CCDC60: variants seen among roughly 807,000 people sequenced by gnomAD.
CCDC60 encodes coiled-coil domain-containing protein 60.
Under a neutral mutation model 63.5 loss-of-function variants are expected in CCDC60, and 54 were observed. That is an observed-to-expected ratio of 0.85 (90% CI 0.68 to 1.07). The LOEUF is 1.07. Ranked by LOEUF, CCDC60 falls within the 50% of genes least tolerant of loss-of-function variation. The probability of loss-of-function intolerance (pLI) is 0.00; values close to 1 mark genes in which losing one functional copy is unlikely to be tolerated. For missense variants in CCDC60, 651 were observed against 684.3 expected (o/e 0.95, Z 0.54); for synonymous variants, 206 against 238.8 (o/e 0.86, Z 1.27).
At chr12:119,523,387 G>A (rs180859626) in intron 10 of CCDC60, among the ~76,000 whole-genome samples, 203 of 152,350 alleles carry the variant, frequency 1.3e-3, no homozygotes, top group Middle Eastern at 3.4e-3. Flanking sequence ...CTTTGAGCCT[G>A]AATCTCCCAG....
intron 1 of CCDC60, among the ~76,000 whole-genome samples, chr12:119,421,802 G>A (rs56211979): frequency 0.2 from 30,972 of 152,062 alleles, 3,284 homozygotes; most frequent in Non-Finnish European, 0.24. Flanking sequence ...GACAGCAAAC[G>A]TCTTTCCATC....
intron 1 of CCDC60, among the ~76,000 whole-genome samples, chr12:119,376,166 C>A (rs577340143): frequency 6.6e-6 from 1 of 152,298 alleles, no homozygotes; most frequent in African/African-American, 2.4e-5. Flanking sequence ...CTTGCTAATA[C>A]CCCAGTGAAG....
At chr12:119,449,506 G>A (rs999214151) in intron 2 of CCDC60, among the ~76,000 whole-genome samples, 2 of 152,142 alleles carry the variant, frequency 1.3e-5, no homozygotes, top group African/African-American at 4.8e-5. Context: ...AAATGCGAAT[G>A]CACCACATCA....
chr12:119,528,851 T>C, intron 12 of CCDC60, 105 bp downstream of exon 12: 1 of 1,232,536 alleles, frequency 8.1e-7, no homozygotes, highest in Non-Finnish European at 1.1e-6. Flanking sequence ...TAGAGAGGCA[T>C]TACTCCAAAA....
intron 2 of CCDC60, among the ~76,000 whole-genome samples, chr12:119,462,622 A>G (rs1950876332): frequency 6.6e-6 from 1 of 152,096 alleles, no homozygotes; most frequent in Non-Finnish European, 1.5e-5. Flanking sequence ...ATGCAGAGGT[A>G]AAGACTGAGA....
chr12:119,486,906 G>T (rs1424815929), intron 4 of CCDC60, among the ~76,000 whole-genome samples: 1 of 152,140 alleles, frequency 6.6e-6, no homozygotes, highest in Non-Finnish European at 1.5e-5. Flanking sequence ...GAACCCTGGG[G>T]AGTGTTGATG....
intron 2 of CCDC60, among the ~76,000 whole-genome samples, chr12:119,454,090 A>T (rs1469523134): frequency 1.3e-5 from 2 of 152,174 alleles, no homozygotes; most frequent in Non-Finnish European, 1.5e-5. Flanking sequence ...ACGAGGTAAG[A>T]TGACTCACAG....
At chr12:119,385,817 C>T (rs996360434) in intron 1 of CCDC60, among the ~76,000 whole-genome samples, 1 of 152,210 alleles carries the variant, frequency 6.6e-6, no homozygotes, top group Non-Finnish European at 1.5e-5. Context: ...GCTGCTCCCC[C>T]TCCGTGCCCC....
chr12:119,360,572 C>T (rs1229588526), intron 1 of CCDC60, among the ~76,000 whole-genome samples: 6 of 149,484 alleles, frequency 4.0e-5, no homozygotes, highest in Non-Finnish European at 5.9e-5. Flanking sequence ...ACCTCCCAGA[C>T]GGGGTGGCGG....
chr12:119,346,162 G>A (rs1955590935), intron 1 of CCDC60, among the ~76,000 whole-genome samples: 1 of 151,662 alleles, frequency 6.6e-6, no homozygotes, highest in African/African-American at 2.4e-5. Flanking sequence ...TAACCTCTTT[G>A]ATTTCTTTGT....
intron 1 of CCDC60, among the ~76,000 whole-genome samples, chr12:119,335,859 C>T (rs1036825653): frequency 1.1e-4 from 17 of 151,486 alleles, no homozygotes; most frequent in Admixed American, 6.6e-4. Flanking sequence ...GTGTTTTAGA[C>T]GTGAAGTCCT....
chr12:119,490,047 C>T (rs1298838291), intron 5 of CCDC60, among the ~76,000 whole-genome samples: 1 of 152,178 alleles, frequency 6.6e-6, no homozygotes, highest in South Asian at 2.1e-4. Flanking sequence ...CCGCCTGCCT[C>T]GGCCTCCCAA....
At chr12:119,479,886 C>T (rs1951264026) in intron 4 of CCDC60, 1 of 152,014 alleles carries the variant, frequency 6.6e-6, no homozygotes, top group Non-Finnish European at 1.5e-5. Flanking sequence ...TGTTTAGCCG[C>T]ATCCATGGCC....
intron 1 of CCDC60, among the ~76,000 whole-genome samples, chr12:119,407,609 A>G (rs1399219961): frequency 1.3e-5 from 2 of 152,204 alleles, no homozygotes; most frequent in African/African-American, 4.8e-5. Flanking sequence ...CAATTAAGAA[A>G]GCCCGAGATT....
chr12:119,342,703 G>A (rs1029314899), intron 1 of CCDC60, among the ~76,000 whole-genome samples: 1 of 152,200 alleles, frequency 6.6e-6, no homozygotes, highest in African/African-American at 2.4e-5. Flanking sequence ...TGAGTTCCAA[G>A]GATAGGCCAA....
intron 5 of CCDC60, among the ~76,000 whole-genome samples, chr12:119,492,617 G>T (rs1336680768): frequency 1.3e-5 from 2 of 152,134 alleles, no homozygotes; most frequent in African/African-American, 4.8e-5. Flanking sequence ...AACCCAGAGG[G>T]ATTAGAGTGA....
chr12:119,379,716 A>T (rs906959131), intron 1 of CCDC60, among the ~76,000 whole-genome samples: 9 of 152,164 alleles, frequency 5.9e-5, no homozygotes, highest in African/African-American at 1.7e-4. Context: ...ATGGTAACTG[A>T]TGTGTGGGAG....
chr12:119,346,778 T>TTCTTTCTC (rs1955598269), intron 1 of CCDC60, among the ~76,000 whole-genome samples: 3 of 47,604 alleles, frequency 6.3e-5, no homozygotes, highest in Non-Finnish European at 1.2e-4. Context: ...ATCTTTCTCT[T>TTCTTTCTC]TCTTTCTTTC....
chr12:119,448,135 C>A (rs1242652273), intron 2 of CCDC60, among the ~76,000 whole-genome samples: 1 of 151,110 alleles, frequency 6.6e-6, no homozygotes, highest in Non-Finnish European at 1.5e-5. Context: ...TTACTGTATA[C>A]TTGACATTTG....
Sources: gnomAD v4.1 joint callset for allele counts (sites outside exome capture counted in the v4.1 genomes callset) on GRCh38, gnomAD v4.1.1 for gene constraint, MANE v1.5 for transcripts, NCBI Gene and HGNC (gene_info 2026-07-23, HGNC 2026-07-21) for gene names.